FGFR3: variants seen among roughly 807,000 people sequenced by gnomAD.
The protein encoded by FGFR3 is FGFR-3.
Under a neutral mutation model 82.9 loss-of-function variants are expected in FGFR3, and 25 were observed. That is an observed-to-expected ratio of 0.30 (90% CI 0.22 to 0.42). The LOEUF is 0.42. Ranked by LOEUF, FGFR3 falls within the 10% of genes least tolerant of loss-of-function variation. The pLI is 1.00. For missense variants in FGFR3, 1,026 were observed against 1,161.0 expected (o/e 0.88, Z 1.69); for synonymous variants, 620 against 516.0 (o/e 1.20, Z -2.73).
intron 2 of FGFR3, among the ~76,000 whole-genome samples, chr4:1,798,852 C>T (rs181774844): frequency 7.9e-5 from 12 of 152,292 alleles, no homozygotes; most frequent in Admixed American, 6.5e-4. Flanking sequence ...ACCTGCCCGT[C>T]GTGGTGCCGC....
chr4:1,794,380 C>T (rs1375894348), intron 2 of FGFR3, among the ~76,000 whole-genome samples: 2 of 152,146 alleles, frequency 1.3e-5, no homozygotes, highest in African/African-American at 2.4e-5. Flanking sequence ...TGTTGTTATT[C>T]GGGTTCTGCG....
At chr4:1,803,148 A>C (rs1721411874) in intron 7 of FGFR3, 1 of 1,376,988 alleles carries the variant, frequency 7.3e-7, no homozygotes, top group Non-Finnish European at 9.4e-7. Flanking sequence ...CCGCACGCCC[A>C]GCCCTGCTCG....
intron 15 of FGFR3, 56 bp from the exon 16 acceptor site, chr4:1,806,490 G>A (rs912030611): frequency 1.1e-5 from 17 of 1,611,664 alleles, no homozygotes; most frequent in South Asian, 2.2e-5. Flanking sequence ...CCTGGTGCCC[G>A]CCCAGGTGTC....
chr4:1,802,955 C>G (rs1049449206), intron 7 of FGFR3: 2 of 1,603,052 alleles, frequency 1.2e-6, no homozygotes, highest in Non-Finnish European at 8.5e-7. Flanking sequence ...TGCGCCTCCG[C>G]CTGGCCAATG....
At position 1,801,476 on chromosome 4, in the gene FGFR3, C is replaced by T; in HGVS notation, c.555C>T (p.Ser185=). 1.3e-6 allele frequency: 2 copies of T among 1,556,072 alleles called. No individual in the cohort carries two copies. Among genetic ancestry groups the T allele is most frequent in the South Asian group, 1.2e-5 (1 of 84,554 alleles). ...CAGCCGCTGGCAACCCCACTCCCTC[C>T]ATCTCCTGGCTGAAGAACGGCAGGG... ...RCPAAGNPTP[S]ISWLKNGREF... Residue 185 remains serine (S), a synonymous_variant, in exon 5 of 18, where the codon TCC becomes TCT. Coordinates refer to ENST00000440486, the MANE Select transcript of FGFR3 (RefSeq NM_000142.5).
In FGFR3 at chr4:1,807,396, TGTGC is replaced by T. The variant is rs781036706; in HGVS notation, c.*138_*141del. The T allele has an allele frequency of 9.8e-5, 106 of 1,086,812 alleles. No homozygotes were observed. Among genetic ancestry groups the T allele is most frequent in the Non-Finnish European group, 1.2e-4 (95 of 800,632 alleles). 67.3% of individuals were successfully genotyped at this position (1,086,812 alleles called of 1,614,324 possible). A position where few individuals can be genotyped will look rare whatever the true frequency, so the allele number is the denominator to read the frequency against. ...CAGAGCTTTGGTCTGTGTGTGTGTG[TGTGC>T]GTGTGTGTGTGTGTGTGTGCACATC... On this transcript the variant is annotated 3_prime_UTR_variant, in exon 18 of 18. Transcript: ENST00000440486.
At chr4:1,804,753 A>C (rs1213527026) in intron 9 of FGFR3, 71 bp from the exon 10 acceptor site, 48 of 1,541,044 alleles carry the variant, frequency 3.1e-5, no homozygotes, top group African/African-American at 1.4e-5. Flanking sequence ...CTGGCCCAGC[A>C]CTGACCCCCG....
rs775752569 is a variant in FGFR3, at chr4:1,806,815, C to A, written c.2169-14C>A. ...GGAAGCGGCGGGGCTCACTCCTGAGCGCCCTGCCCGCAGGTACATGATCAT... is the reference window on the plus strand; with the variant it reads ...GGAAGCGGCGGGGCTCACTCCTGAGAGCCCTGCCCGCAGGTACATGATCAT... On this transcript the variant is annotated splice_polypyrimidine_tract_variant and intron_variant, in intron 16 of 17. Transcript: ENST00000440486. The A allele has an allele frequency of 6.3e-7, 1 of 1,591,440 alleles. No homozygotes were observed. Among genetic ancestry groups the A allele is most frequent in the Non-Finnish European group, 8.5e-7 (1 of 1,169,766 alleles).
At chr4:1,802,991 C>T (rs374820397) in intron 7 of FGFR3, 29 of 1,599,826 alleles carry the variant, frequency 1.8e-5, no homozygotes, top group Non-Finnish European at 2.4e-5. Context: ...GGGGCGAGTA[C>T]CTCTGTCGAG....
rs1489314508 is a variant in FGFR3 at position 1,799,775 on chromosome 4, C to T, written c.408C>T (p.Asp136=). The change falls in exon 4 of 18, where the codon GAC becomes GAT. Residue 136 remains aspartate, a synonymous_variant. Coordinates refer to ENST00000440486, the MANE Select transcript of FGFR3 (RefSeq NM_000142.5). ...TDAPSSGDDE[D]GEDEAEDTGV... ...CTCCATCCTCGGGAGATGACGAAGA[C>T]GGGGAGGACGAGGCTGAGGACACAG... 17 of 1,612,998 alleles carry T rather than the reference C, an allele frequency of 1.1e-5. No individual in the cohort carries two copies. Among genetic ancestry groups the T allele is most frequent in the South Asian group, 5.5e-5 (5 of 91,080 alleles).
chr4:1,806,752 G>T (rs1721974182), intron 16 of FGFR3, 69 bp downstream of exon 16: 1 of 1,595,878 alleles, frequency 6.3e-7, no homozygotes, highest in East Asian at 2.3e-5. Flanking sequence ...GGGCGGGGGA[G>T]GGACTGGCAG....
Position 1,807,404 on chromosome 4 carries a change from T to C in FGFR3, c.*142T>C, listed in dbSNP as rs774095140. ...TGGTCTGTGTGTGTGTGTGTGCGTGTGTGTGTGTGTGTGTGCACATCCGCG... is the reference window on the plus strand; with the variant it reads ...TGGTCTGTGTGTGTGTGTGTGCGTGCGTGTGTGTGTGTGTGCACATCCGCG... On this transcript the variant is annotated 3_prime_UTR_variant, in exon 18 of 18. Transcript: ENST00000440486. 2.4e-4 allele frequency: 122 copies of C among 500,730 alleles called. No individual in the cohort carries two copies. Among genetic ancestry groups the C allele is most frequent in the South Asian group, 5.6e-4 (11 of 19,568 alleles). 31.0% of individuals were successfully genotyped at this position (500,730 alleles called of 1,614,324 possible).
Position 1,801,971 on chromosome 4 carries a change from G to A in FGFR3, c.876G>A (p.Glu292=), listed in dbSNP as rs754308484. Reference sequence around the variant, plus strand: ...ACATCCAGTGGCTCAAGCACGTGGAGGTGAATGGCAGCAAGGTGGGCCCGG... The same window carrying A: ...ACATCCAGTGGCTCAAGCACGTGGAAGTGAATGGCAGCAAGGTGGGCCCGG... ...QPHIQWLKHV[E]VNGSKVGPDG... is the part of the protein sequence containing the mutation. Residue 292 remains glutamate (E), a synonymous_variant, in exon 7 of 18, where the codon GAG becomes GAA. Transcript: ENST00000440486. 3 of 1,612,842 alleles carry A rather than the reference G, an allele frequency of 1.9e-6. No individual in the cohort carries two copies. The highest frequency in any genetic ancestry group is 3.3e-5 in the Admixed American group (2 of 60,022).
chr4:1,798,227 C>T (rs1720750119), intron 2 of FGFR3, among the ~76,000 whole-genome samples: 2 of 152,026 alleles, frequency 1.3e-5, no homozygotes, highest in South Asian at 4.1e-4. Flanking sequence ...GGCCCCCACC[C>T]CAGCTTCTCA....
At chr4:1,801,784 G>T (rs1429737900) in intron 6 of FGFR3, 41 bp downstream of exon 6, 5 of 1,590,782 alleles carry the variant, frequency 3.1e-6, no homozygotes, top group Non-Finnish European at 4.3e-6. Context: ...GGCGGCAGTG[G>T]CGGTGGTGGT....
In FGFR3 at chr4:1,803,719, G is replaced by A; in HGVS notation, c.958G>A (p.Glu320Lys). ...KTAGANTTDK[E>K]LEVLSLHNVT... ...GGCGGGCGCTAACACCACCGACAAG[G>A]AGCTAGAGGTTCTCTCCTTGCACAA... The change falls in exon 8 of 18, where the codon GAG (glutamate) becomes AAG (lysine). Residue 320 changes from glutamate to lysine, a missense_variant. Physicochemically the swap from Glu to Lys is moderately conservative, Grantham distance 56 (BLOSUM62 1). This residue lies in a region of FGFR3 where 256 missense variants were observed against 217.6 expected (regional missense o/e 1.18). Transcript: ENST00000440486. 1 of 1,613,938 alleles carries A rather than the reference G, an allele frequency of 6.2e-7. No individual in the cohort carries two copies. Among genetic ancestry groups the A allele is most frequent in the Non-Finnish European group, 8.5e-7 (1 of 1,180,016 alleles).
At chr4:1,802,240 C>G (rs1050949360) in intron 7 of FGFR3, among the ~76,000 whole-genome samples, 2 of 152,180 alleles carry the variant, frequency 1.3e-5, no homozygotes, top group African/African-American at 4.8e-5. Flanking sequence ...CTGCAGAGGG[C>G]CAGCCTCAGC....
chr4:1,798,070 T>C (rs942541307), intron 2 of FGFR3, among the ~76,000 whole-genome samples: 5 of 152,076 alleles, frequency 3.3e-5, no homozygotes, highest in Non-Finnish European at 7.4e-5. Flanking sequence ...ATGCATTGTC[T>C]GGCCCTGGCA....
intron 4 of FGFR3, among the ~76,000 whole-genome samples, chr4:1,800,665 C>T (rs1425120544): frequency 6.6e-6 from 1 of 152,100 alleles, no homozygotes; most frequent in Non-Finnish European, 1.5e-5. Flanking sequence ...GGGCGTGTGC[C>T]TGGAGGGGGC....
Sources: gnomAD v4.1 joint callset for allele counts (sites outside exome capture counted in the v4.1 genomes callset) on GRCh38, gnomAD v4.1.1 for gene constraint, gnomAD v4.1.1 regional missense constraint, MANE v1.5 for transcripts, NCBI Gene and HGNC (gene_info 2026-07-23, HGNC 2026-07-21) for gene names.